The following FRMD4B variants were observed in gnomAD, a reference collection of about 807,000 sequenced individuals.
FRMD4B encodes the protein FERM domain containing 4B.
In FRMD4B, 74 loss-of-function variants were observed where a neutral mutation model predicts 141.5. The ratio of observed to expected loss-of-function variants is 0.52; its 90% CI spans 0.43 to 0.63. The LOEUF is 0.63. Among genes scored for constraint, FRMD4B ranks in the 30% least tolerant of loss-of-function variants. FRMD4B has a pLI of 0.00. For missense variants in FRMD4B, 1,366 were observed against 1,253.4 expected (o/e 1.09, Z -1.36); for synonymous variants, 506 against 467.9 (o/e 1.08, Z -1.05).
chr3:69,364,803 A>G (rs1487262334), intron 1 of FRMD4B, among the ~76,000 whole-genome samples: 2 of 152,188 alleles, frequency 1.3e-5, no homozygotes, highest in Non-Finnish European at 2.9e-5. Context: ...CTGGGCATCT[A>G]AGACAAAAAA....
rs1273783655 is a variant in FRMD4B, at chr3:69,216,358, T to C, written c.790-9A>G. 3 of 1,415,166 alleles carry C rather than the reference T, an allele frequency of 2.1e-6. No homozygotes were observed. Among genetic ancestry groups the C allele is most frequent in the South Asian group, 1.2e-5 (1 of 82,240 alleles). 87.7% of individuals were successfully genotyped at this position (1,415,166 alleles called of 1,614,324 possible). A position where few individuals can be genotyped will look rare whatever the true frequency, so the allele number is the denominator to read the frequency against. On this transcript the variant is annotated splice_polypyrimidine_tract_variant and intron_variant, in intron 10 of 22. Transcript: ENST00000398540. ...GGAAGTCCTTGCTTATCCTAGAAGA[T>C]GAAAAAGCATGAGAACCAAGACCTA...
chr3:69,407,459 T>C (rs1209857868), intron 2 of FRMD4B, among the ~76,000 whole-genome samples: 1 of 152,172 alleles, frequency 6.6e-6, no homozygotes, highest in Admixed American at 6.5e-5. Flanking sequence ...GTCCCTAACC[T>C]CAAGACAACT....
At chr3:69,433,905 T>C (rs1705218940) in intron 1 of FRMD4B, among the ~76,000 whole-genome samples, 1 of 152,288 alleles carries the variant, frequency 6.6e-6, no homozygotes, top group African/African-American at 2.4e-5. Flanking sequence ...ACACTAGAGA[T>C]GTGTTTTAGT....
intron 1 of FRMD4B, among the ~76,000 whole-genome samples, chr3:69,441,595 T>C (rs1705345146): frequency 6.6e-6 from 1 of 152,332 alleles, no homozygotes; most frequent in Middle Eastern, 3.4e-3. Context: ...CACGATATAC[T>C]ATAAGCTCCA....
At chr3:69,388,165 A>G (rs1375436636), upstream of FRMD4B, among the ~76,000 whole-genome samples, 3 of 152,112 alleles carry the variant, frequency 2.0e-5, no homozygotes, top group Non-Finnish European at 2.9e-5. Flanking sequence ...TAAAACCTAC[A>G]ACAGGTCAAT....
chr3:69,250,420 A>G (rs1388599073), intron 5 of FRMD4B, among the ~76,000 whole-genome samples: 1 of 152,174 alleles, frequency 6.6e-6, no homozygotes, highest in Admixed American at 6.6e-5. Flanking sequence ...TTCTAAATGA[A>G]AAATTTTTAT....
chr3:69,270,319 A>T (rs932349046), intron 5 of FRMD4B, among the ~76,000 whole-genome samples: 3 of 152,232 alleles, frequency 2.0e-5, no homozygotes, highest in Non-Finnish European at 2.9e-5. Flanking sequence ...ATAGCCCTTC[A>T]AACCTCCTCC....
At chr3:69,303,806 T>A (rs1022963766) in intron 3 of FRMD4B, among the ~76,000 whole-genome samples, 1 of 152,046 alleles carries the variant, frequency 6.6e-6, no homozygotes, top group East Asian at 1.9e-4. Context: ...TGGTGGTGCA[T>A]GCCTGTTGTC....
Position 69,378,293 on chromosome 3 carries a change from T to C in FRMD4B, c.162+7535A>G, listed in dbSNP as rs372375222. 5.9e-5 allele frequency among the ~76,000 whole-genome samples: 9 copies of C among 152,298 alleles called. No homozygotes were observed. In the East Asian group the frequency reaches 1.7e-3, roughly 30 times the overall value. On this transcript the variant is annotated intron_variant, in intron 1 of 22. Coordinates refer to ENST00000398540, the MANE Select transcript of FRMD4B (RefSeq NM_015123.3). ...CCTGGCCCCTTTGGTTGGGTGGGTATGTGACCAGTTCTGCCAATGACTGAG... is the reference window on the plus strand; with the variant it reads ...CCTGGCCCCTTTGGTTGGGTGGGTACGTGACCAGTTCTGCCAATGACTGAG...
intron 1 of FRMD4B, among the ~76,000 whole-genome samples, chr3:69,335,965 T>A (rs1198743283): frequency 1.3e-5 from 2 of 152,088 alleles, no homozygotes; most frequent in African/African-American, 4.8e-5. Context: ...TCAAGTGATC[T>A]GCCCACCTCA....
At chr3:69,442,904 T>C (rs941926434) in intron 1 of FRMD4B, among the ~76,000 whole-genome samples, 1 of 152,252 alleles carries the variant, frequency 6.6e-6, no homozygotes, top group Admixed American at 6.5e-5. Context: ...GATGTTATGA[T>C]AGAATAAGAA....
At chr3:69,348,710 A>T (rs943112161) in intron 1 of FRMD4B, among the ~76,000 whole-genome samples, 2 of 152,266 alleles carry the variant, frequency 1.3e-5, no homozygotes, top group Non-Finnish European at 2.9e-5. Context: ...AATCCAGCAT[A>T]TAAACAGAAC....
At chr3:69,196,520 G>T in intron 13 of FRMD4B, 124 bp from the exon 14 acceptor site, 1 of 755,870 alleles carries the variant, frequency 1.3e-6, no homozygotes, top group Non-Finnish European at 2.1e-6. Flanking sequence ...ACATATTCAA[G>T]TGGCATTCTT....
intron 1 of FRMD4B, among the ~76,000 whole-genome samples, chr3:69,465,674 A>G (rs1407250015): frequency 6.6e-6 from 1 of 152,002 alleles, no homozygotes; most frequent in Non-Finnish European, 1.5e-5. Flanking sequence ...GTTTACTGAG[A>G]ATGATGGTTT....
chr3:69,323,240 A>G (rs1702068254), intron 1 of FRMD4B, among the ~76,000 whole-genome samples: 1 of 152,114 alleles, frequency 6.6e-6, no homozygotes, highest in African/African-American at 2.4e-5. Flanking sequence ...TGTGTGCCTG[A>G]TAACTATCCC....
rs751532403 is a variant in FRMD4B at position 69,224,706 on chromosome 3, A to T, written c.582-16T>A. 5.4e-6 allele frequency: 7 copies of T among 1,298,794 alleles called. No homozygotes were observed. In the South Asian group the frequency reaches 8.8e-5, roughly 16 times the overall value. The allele number at this position is 1,298,794 out of a possible 1,614,324, so 80.5% of individuals were successfully genotyped here. ...ATTTTCATCACTAAAAAGAAATGGA[A>T]TATGGTAATGTCAGGTACTGTTATC... On this transcript the variant is annotated splice_polypyrimidine_tract_variant and intron_variant, in intron 7 of 22. Transcript: ENST00000398540.
At chr3:69,510,261 T>C (rs1317936579) in intron 1 of FRMD4B, among the ~76,000 whole-genome samples, 1 of 152,086 alleles carries the variant, frequency 6.6e-6, no homozygotes, top group African/African-American at 2.4e-5. Flanking sequence ...ATTAGAGAGA[T>C]GAAAATATTG....
At chr3:69,398,063 C>T (rs1559515806) in intron 2 of FRMD4B, among the ~76,000 whole-genome samples, 1 of 151,836 alleles carries the variant, frequency 6.6e-6, no homozygotes, top group Non-Finnish European at 1.5e-5. Context: ...AAAATCAGAG[C>T]AGAAAAAAAT....
intron 7 of FRMD4B, among the ~76,000 whole-genome samples, chr3:69,234,721 G>A (rs1158590065): frequency 3.9e-5 from 6 of 152,088 alleles, no homozygotes; most frequent in African/African-American, 7.2e-5. Flanking sequence ...CAACATTATC[G>A]GATGACTTTC....
Sources: allele counts gnomAD v4.1 joint callset (sites outside exome capture counted in the v4.1 genomes callset), GRCh38; gene constraint gnomAD v4.1.1; transcripts MANE v1.5; gene names NCBI Gene and HGNC (gene_info 2026-07-23, HGNC 2026-07-21).